RNF180: variants seen among roughly 807,000 people sequenced by gnomAD.
RNF180 encodes the protein ring finger protein 180.
In RNF180, 38 loss-of-function variants were observed where a neutral mutation model predicts 59.2. That is an observed-to-expected ratio of 0.64 (90% CI 0.50 to 0.84). RNF180 has a LOEUF of 0.84. Ranked by LOEUF, RNF180 falls within the 40% of genes least tolerant of loss-of-function variation. The pLI is 0.00. For missense variants in RNF180, 705 were observed against 700.9 expected (o/e 1.01, Z -0.07); for synonymous variants, 262 against 240.3 (o/e 1.09, Z -0.84).
At chr5:64,357,098 T>C (rs1167827949) in intron 7 of RNF180, among the ~76,000 whole-genome samples, 10 of 151,880 alleles carry the variant, frequency 6.6e-5, no homozygotes. Context: ...ATAAACTATA[T>C]TGAAATTTAA....
chr5:64,348,239 G>T (rs751841235), intron 7 of RNF180, among the ~76,000 whole-genome samples: 2 of 151,894 alleles, frequency 1.3e-5, no homozygotes, highest in Non-Finnish European at 2.9e-5. Context: ...AATAATACAT[G>T]CCACAGGTAC....
chr5:64,317,623 T>C lies in RNF180; in HGVS notation c.1228-7563T>C, dbSNP rs571165769. 2.6e-3 allele frequency among the ~76,000 whole-genome samples: 384 copies of C among 144,972 alleles called. 2 individuals are homozygous for C. The highest frequency in any genetic ancestry group is 3.6e-3 in the Non-Finnish European group (237 of 66,134). On this transcript the variant is annotated intron_variant, in intron 5 of 7. Transcript: ENST00000389100. ...ACACACACACACACACACACATATA[T>C]ACACACACACACACACACACACACA...
chr5:64,366,321 T>G (rs1173675932), intron 7 of RNF180, among the ~76,000 whole-genome samples: 2 of 151,680 alleles, frequency 1.3e-5, no homozygotes, highest in East Asian at 3.9e-4. Flanking sequence ...AGGTTTCTGC[T>G]GAGAGGTCCA....
At chr5:64,305,707 TG>T (rs570893355) in intron 5 of RNF180, among the ~76,000 whole-genome samples, 25 of 151,728 alleles carry the variant, frequency 1.6e-4, no homozygotes, top group Admixed American at 1.5e-3. Context: ...TACATGTTAA[TG>T]TAGTAACATT....
At chr5:64,245,713 C>G (rs1051681809) in intron 5 of RNF180, among the ~76,000 whole-genome samples, 4 of 152,164 alleles carry the variant, frequency 2.6e-5, no homozygotes, top group Non-Finnish European at 5.9e-5. Context: ...ATCAACGAGA[C>G]AGAAAATTTA....
chr5:64,313,507 T>C (rs898408572), intron 5 of RNF180, among the ~76,000 whole-genome samples: 1 of 152,176 alleles, frequency 6.6e-6, no homozygotes, highest in Non-Finnish European at 1.5e-5. Flanking sequence ...GATAGCTGCA[T>C]AGTATTCCAT....
intron 1 of RNF180, among the ~76,000 whole-genome samples, chr5:64,166,855 C>G (rs1561160081): frequency 6.6e-6 from 1 of 152,324 alleles, no homozygotes; most frequent in African/African-American, 2.4e-5. Flanking sequence ...CAGTTGGTCT[C>G]TTAGTCTCAA....
intron 6 of RNF180, 105 bp downstream of exon 6, chr5:64,325,516 A>G: frequency 1.2e-6 from 1 of 815,448 alleles, no homozygotes; most frequent in East Asian, 2.7e-5. Flanking sequence ...ATATACCATA[A>G]TTTGTTATTC....
rs1415675392 is a variant in RNF180, at chr5:64,325,290, G to A, written c.1332G>A (p.Met444Ile). 1.2e-5 allele frequency: 18 copies of A among 1,551,494 alleles called. No homozygotes were observed. The highest frequency in any genetic ancestry group is 1.5e-5 in the Non-Finnish European group (17 of 1,146,810). Residue 444 changes from methionine (M) to isoleucine (I), a missense_variant, in exon 6 of 8, where the codon ATG (methionine) becomes ATA (isoleucine). Coordinates refer to ENST00000389100, the MANE Select transcript of RNF180 (RefSeq NM_001113561.2). ...VCLDVYFNPY[M>I]CYPCHHIFCE... ...TGGACGTTTATTTCAACCCTTATAT[G>A]TGTTACCCTTGCCATCACATCTTCT...
intron 5 of RNF180, among the ~76,000 whole-genome samples, chr5:64,286,653 G>A (rs550538497): frequency 1.1e-4 from 17 of 152,204 alleles, no homozygotes; most frequent in African/African-American, 2.9e-4. Flanking sequence ...TCCATTGTGC[G>A]AAGCACTCTA....
At chr5:64,273,968 A>T (rs973657608) in intron 5 of RNF180, among the ~76,000 whole-genome samples, 1 of 152,064 alleles carries the variant, frequency 6.6e-6, no homozygotes, top group Non-Finnish European at 1.5e-5. Context: ...GAGAACTGCC[A>T]ATCTAAAAGA....
intron 5 of RNF180, among the ~76,000 whole-genome samples, chr5:64,267,109 A>G (rs1744723925): frequency 6.6e-6 from 1 of 152,098 alleles, no homozygotes; most frequent in South Asian, 2.1e-4. Context: ...AAATTTCTGA[A>G]TTCTGAAACA....
chr5:64,348,957 A>G (rs1745670310), intron 7 of RNF180, among the ~76,000 whole-genome samples: 1 of 152,120 alleles, frequency 6.6e-6, no homozygotes, highest in Non-Finnish European at 1.5e-5. Context: ...AGCGAGGTTC[A>G]TCCAATAAGC....
intron 1 of RNF180, among the ~76,000 whole-genome samples, chr5:64,175,629 A>AT (rs551931515): frequency 1.3e-5 from 2 of 151,824 alleles, no homozygotes. Flanking sequence ...GAATTTTAGG[A>AT]TTTTTTTTCA....
chr5:64,237,807 TTCTC>T (rs142219747), intron 5 of RNF180, among the ~76,000 whole-genome samples: 2 of 150,686 alleles, frequency 1.3e-5, no homozygotes, highest in Non-Finnish European at 3.0e-5. Context: ...TGTCTGGCAC[TTCTC>T]TCTCTCTCTC....
In RNF180 at chr5:64,214,048, T is replaced by C; in HGVS notation, c.722T>C (p.Leu241Ser). 6.2e-7 allele frequency: 1 copy of C among 1,614,124 alleles called. No individual in the cohort carries two copies. Among genetic ancestry groups the C allele is most frequent in the Non-Finnish European group, 8.5e-7 (1 of 1,179,990 alleles). ...CTGAACATCAGTGAGAAACTGACTT[T>C]ATTACCCACTTTATATGAAATACAT... Reference protein sequence around the residue: ...LDLNISEKLTLLPTLYEIHSK... With the variant: ...LDLNISEKLTSLPTLYEIHSK... The change falls in exon 4 of 8, where the codon TTA becomes TCA. Residue 241 changes from leucine to serine, a missense_variant. Leu to Ser is a moderately radical substitution (Grantham distance 145). Transcript: ENST00000389100.
chr5:64,331,747 AC>A (rs1261975611), intron 7 of RNF180, among the ~76,000 whole-genome samples: 3 of 151,798 alleles, frequency 2.0e-5, no homozygotes, highest in Admixed American at 1.3e-4. Context: ...GCTGAAACAC[AC>A]CCCCGCCCCA....
intron 7 of RNF180, among the ~76,000 whole-genome samples, chr5:64,345,833 A>G (rs1456643648): frequency 6.6e-6 from 1 of 152,158 alleles, no homozygotes; most frequent in African/African-American, 2.4e-5. Flanking sequence ...AAATCTTACA[A>G]ATTTATTTTA....
intron 2 of RNF180, among the ~76,000 whole-genome samples, chr5:64,208,973 T>A (rs1752166732): frequency 6.6e-6 from 1 of 151,992 alleles, no homozygotes; most frequent in Non-Finnish European, 1.5e-5. Context: ...AAAAATAAGA[T>A]ATGCTTCAGT....
Sources: gnomAD v4.1 joint callset for allele counts (sites outside exome capture counted in the v4.1 genomes callset) on GRCh38, gnomAD v4.1.1 for gene constraint, MANE v1.5 for transcripts, NCBI Gene and HGNC (gene_info 2026-07-23, HGNC 2026-07-21) for gene names.